PPP1R12C: variants seen among roughly 807,000 people sequenced by gnomAD.
The protein encoded by PPP1R12C is protein phosphatase 1 regulatory subunit 12C.
Under a neutral mutation model 95.6 loss-of-function variants are expected in PPP1R12C, and 48 were observed. The ratio of observed to expected loss-of-function variants is 0.50; its 90% CI spans 0.40 to 0.64. The LOEUF (loss-of-function observed/expected upper bound fraction) is 0.64. Ranked by LOEUF, PPP1R12C falls within the 30% of genes least tolerant of loss-of-function variation. The pLI, the probability that PPP1R12C is intolerant of heterozygous loss-of-function variation, is 0.00. For missense variants in PPP1R12C, 1,057 were observed against 1,083.3 expected (o/e 0.98, Z 0.34); for synonymous variants, 480 against 460.8 (o/e 1.04, Z -0.53).
chr19:55,105,722 G>C (rs997241352), intron 3 of PPP1R12C, among the ~76,000 whole-genome samples: 17 of 152,172 alleles, frequency 1.1e-4, no homozygotes, highest in Non-Finnish European at 2.4e-4. Flanking sequence ...CAAGATGGGA[G>C]ATCACTTGAG....
intron 11 of PPP1R12C, chr19:55,095,037 G>C (rs2084893862): frequency 1.5e-6 from 1 of 677,712 alleles, no homozygotes; most frequent in Non-Finnish European, 2.5e-6. Flanking sequence ...GGGTGTGCGT[G>C]TGCGGACGGC....
At chr19:55,098,612 G>C (rs746889212) in intron 6 of PPP1R12C, among the ~76,000 whole-genome samples, 172 bp downstream of exon 6, 3 of 152,232 alleles carry the variant, frequency 2.0e-5, no homozygotes, top group Non-Finnish European at 4.4e-5. Flanking sequence ...GTCCTGCCCC[G>C]GCTGGGGGTC....
At chr19:55,117,058 G>A (rs1015971731) in intron 1 of PPP1R12C, among the ~76,000 whole-genome samples, 165 bp downstream of exon 1, 1 of 152,066 alleles carries the variant, frequency 6.6e-6, no homozygotes, top group Non-Finnish European at 1.5e-5. Flanking sequence ...GTGGTCGAAG[G>A]GGAATGGTAA....
In PPP1R12C at chr19:55,092,262, C is replaced by T; in HGVS notation, c.2120G>A (p.Arg707Gln). The stretch of plus-strand genomic sequence containing the variant: ...CAGCTCCACCTTGAGCTGCGCCAGC[C>T]GCAGCGTGGTCTCGGTCAGGGCCTC... ...LREALTETTL[R>Q]LAQLKVELER... Residue 707 changes from arginine to glutamine, a missense_variant, in exon 19 of 22, where the codon CGG becomes CAG. This residue lies in a region of PPP1R12C where 347 missense variants were observed against 307.9 expected (regional missense o/e 1.13). Transcript: ENST00000263433. 1 of 1,597,728 alleles carries T rather than the reference C, an allele frequency of 6.3e-7. No individual in the cohort carries two copies. The highest frequency in any genetic ancestry group is 8.5e-7 in the Non-Finnish European group (1 of 1,172,806).
In PPP1R12C at chr19:55,091,416, G is replaced by C; in HGVS notation, c.*56C>G. On this transcript the variant is annotated 3_prime_UTR_variant, in exon 22 of 22. Transcript: ENST00000263433. ...GTCACTCGTGTTCACACGGGGGAAG[G>C]GGTGCGTGTGGCAGAAGCAGCTGTA... 1 of 1,503,710 alleles carries C rather than the reference G, an allele frequency of 6.7e-7. No individual in the cohort carries two copies. Among genetic ancestry groups the C allele is most frequent in the South Asian group, 1.2e-5 (1 of 86,576 alleles). 93.1% of individuals were successfully genotyped at this position (1,503,710 alleles called of 1,614,324 possible).
chr19:55,097,185 T>C, intron 6 of PPP1R12C: 1 of 226,882 alleles, frequency 4.4e-6, no homozygotes, highest in South Asian at 3.2e-5. Flanking sequence ...CACCACCGTC[T>C]TCACCCCTTC....
At chr19:55,099,870 T>C (rs1309369320) in intron 4 of PPP1R12C, among the ~76,000 whole-genome samples, 4 of 152,250 alleles carry the variant, frequency 2.6e-5, no homozygotes, top group Non-Finnish European at 4.4e-5. Flanking sequence ...CGTGTCTATT[T>C]TTGGAGAACT....
rs367844785 is a variant in PPP1R12C, at chr19:55,092,432, G to A, written c.2055+10C>T. On this transcript the variant is annotated intron_variant, in intron 18 of 21. Coordinates refer to ENST00000263433, the MANE Select transcript of PPP1R12C (RefSeq NM_017607.4). Reference sequence around the variant, plus strand: ...GCAGGCAAAGCCCCGACGGAGGGGTGGGATCGCACCGTCCTAAAGCCTCCG... The same window carrying A: ...GCAGGCAAAGCCCCGACGGAGGGGTAGGATCGCACCGTCCTAAAGCCTCCG... The A allele has an allele frequency of 2.5e-6, 4 of 1,602,442 alleles. No homozygotes were observed. The highest frequency in any genetic ancestry group is 3.4e-6 in the Non-Finnish European group (4 of 1,175,056).
At chr19:55,091,801 AC>A in intron 20 of PPP1R12C, 57 bp downstream of exon 20, 1 of 1,612,212 alleles carries the variant, frequency 6.2e-7, no homozygotes, top group African/African-American at 1.3e-5. Context: ...CTTGGTCCAA[AC>A]TTAGGGATGT....
Position 55,095,940 on chromosome 19 carries a change from T to C in PPP1R12C, c.1154A>G (p.Glu385Gly). ...DEDEGEEGPT[E>G]PPPAEPRTLN... The stretch of plus-strand genomic sequence containing the variant: ...GGTTCTGGGTTCTGCAGGGGGTGGT[T>C]CTGTGATGTGGGAACACCGGGCAGG... Residue 385 changes from glutamate to glycine, a missense_variant and splice_region_variant, in exon 9 of 22, where the codon GAA becomes GGA. By Grantham distance (98) the Glu-to-Gly change is moderately conservative (BLOSUM62 -2). Transcript: ENST00000263433. 1 of 1,612,568 alleles carries C rather than the reference T, an allele frequency of 6.2e-7. No individual in the cohort carries two copies. Among genetic ancestry groups the C allele is most frequent in the Admixed American group, 1.7e-5 (1 of 59,950 alleles).
intron 4 of PPP1R12C, among the ~76,000 whole-genome samples, chr19:55,103,100 G>C (rs1159804928): frequency 6.6e-6 from 1 of 152,154 alleles, no homozygotes; most frequent in African/African-American, 2.4e-5. Flanking sequence ...GGCTGAGGTA[G>C]GAGGATCACC....
chr19:55,113,712 AGGGCCAAGAGCATGAGGTCATGGAAACTC>A, intron 1 of PPP1R12C: 3 of 737,904 alleles, frequency 4.1e-6, no homozygotes, highest in Non-Finnish European at 5.5e-6. Context: ...GGGAGCTACG[AGGGCCAAGAGCATGAGGTCATGGAAACTC>A]GGGCTGTGAA....
Position 55,092,860 on chromosome 19 carries a change from G to T in PPP1R12C, c.1834C>A (p.Pro612Thr). 2 of 1,586,440 alleles carry T rather than the reference G, an allele frequency of 1.3e-6. No individual in the cohort carries two copies. Among genetic ancestry groups the T allele is most frequent in the Non-Finnish European group, 8.6e-7 (1 of 1,167,128 alleles). ...TGCGGTCCCGGACCCTGCCCGTCGG[G>T]CGCCTCTGCTGGGGGAGGGGCAGGA... ...SDSPAQRAEAPDGQGPGPQAA... is the reference protein window; with the variant it reads ...SDSPAQRAEATDGQGPGPQAA... The change falls in exon 16 of 22, where the codon CCC becomes ACC. Residue 612 changes from proline (P) to threonine (T), a missense_variant. Pro to Thr is a conservative substitution (Grantham distance 38). Transcript: ENST00000263433.
At chr19:55,092,402 A>T (rs1279464066) in intron 18 of PPP1R12C, 40 bp downstream of exon 18, 3 of 1,577,888 alleles carry the variant, frequency 1.9e-6, no homozygotes. Flanking sequence ...GAAGCTGGGC[A>T]CCCAGCAGGC....
chr19:55,112,571 T>G lies in PPP1R12C; in HGVS notation c.467A>C (p.His156Pro). 1 of 1,613,144 alleles carries G rather than the reference T, an allele frequency of 6.2e-7. No individual in the cohort carries two copies. Among genetic ancestry groups the G allele is most frequent in the Non-Finnish European group, 8.5e-7 (1 of 1,179,646 alleles). ...GTTGACGGCGGCGATGTTGGCCCCG[T>G]GGCTCAGGAGGTACCTGGGGGTGGG... ...YLDIARYLLS[H>P]GANIAAVNSD... Residue 156 changes from histidine to proline, a missense_variant, in exon 3 of 22, where the codon CAC (histidine) becomes CCC (proline). By Grantham distance (77) the His-to-Pro change is moderately conservative. Coordinates refer to ENST00000263433, the MANE Select transcript of PPP1R12C (RefSeq NM_017607.4).
At chr19:55,100,156 C>T (rs926249372) in intron 4 of PPP1R12C, among the ~76,000 whole-genome samples, 9 of 151,618 alleles carry the variant, frequency 5.9e-5, no homozygotes, top group African/African-American at 2.2e-4. Context: ...ACGCTGAGCC[C>T]CTTTTTGGCA....
chr19:55,098,697 TC>T (rs2084948932), intron 6 of PPP1R12C, 86 bp downstream of exon 6: 4 of 1,510,406 alleles, frequency 2.6e-6, no homozygotes, highest in Middle Eastern at 1.8e-4. Flanking sequence ...GTGTCAGAAG[TC>T]GGGGGGGTTC....
In PPP1R12C at chr19:55,109,239, C is replaced by T. The variant is rs527988715; in HGVS notation, c.571+3228G>A. On this transcript the variant is annotated intron_variant, in intron 3 of 21. Transcript: ENST00000263433. This position sits in a 1 kb window ranked among gnomAD's most constrained non-coding sequence, Gnocchi z 4.4. The stretch of plus-strand genomic sequence containing the variant: ...CCTCAGCCTACTGAGTAGCTGGGAG[C>T]GTACGTGCATTCCCACGCCTGGCTA... 1.3e-3 allele frequency among the ~76,000 whole-genome samples: 193 copies of T among 152,326 alleles called. No homozygotes were observed. The highest frequency in any genetic ancestry group is 2.2e-3 in the Non-Finnish European group (147 of 68,032).
intron 6 of PPP1R12C, among the ~76,000 whole-genome samples, chr19:55,098,234 G>A (rs867936270): frequency 1.3e-5 from 2 of 152,188 alleles, no homozygotes; most frequent in Non-Finnish European, 2.9e-5. Context: ...ATACAGTTGC[G>A]CACCATACCA....
Sources: gnomAD v4.1 joint callset for allele counts (sites outside exome capture counted in the v4.1 genomes callset) on GRCh38, gnomAD v4.1.1 for gene constraint, gnomAD v4.1.1 regional missense constraint, Gnocchi (gnomAD v3.1) non-coding constraint, MANE v1.5 for transcripts, NCBI Gene and HGNC (gene_info 2026-07-23, HGNC 2026-07-21) for gene names.